The following HCN1 variants were observed in gnomAD, a reference collection of about 807,000 sequenced individuals.
HCN1 encodes the protein hyperpolarization activated cyclic nucleotide gated potassium channel 1, also known as potassium/sodium hyperpolarization-activated cyclic nucleotide-gated channel 1.
A neutral mutation model predicts 78.9 loss-of-function variants in HCN1; 13 were observed. The observed-to-expected ratio is 0.16, with a 90% CI of 0.11 to 0.26. HCN1 has a LOEUF of 0.26. Ranked by LOEUF, HCN1 falls within the 10% of genes least tolerant of loss-of-function variation. The pLI is 1.00. For synonymous variants in HCN1, 552 were observed against 455.5 expected (o/e 1.21, Z -2.70); for missense variants, 810 against 1,154.3 (o/e 0.70, Z 4.32).
At position 45,340,189 on chromosome 5, in the gene HCN1, G is replaced by T. The variant is rs182282455; in HGVS notation, c.1377+12911C>A. ...ACCTGCATCAACCTCCCAAAGTACT[G>T]GGATTACAGGCATGAGCCACCATGT... On this transcript the variant is annotated intron_variant, in intron 5 of 7. Coordinates refer to ENST00000303230, the MANE Select transcript of HCN1 (RefSeq NM_021072.4). 4.6e-5 allele frequency among the ~76,000 whole-genome samples: 7 copies of T among 152,292 alleles called. No individual in the cohort carries two copies. In the East Asian group the frequency reaches 9.7e-4, roughly 21 times the overall value.
At chr5:45,505,877 G>A in intron 2 of HCN1, among the ~76,000 whole-genome samples, 1 of 151,802 alleles carries the variant, frequency 6.6e-6, no homozygotes, top group East Asian at 1.9e-4. Context: ...ATATGACTCT[G>A]GACACCTATC....
intron 5 of HCN1, among the ~76,000 whole-genome samples, chr5:45,318,612 GA>G (rs907176551): frequency 1.4e-4 from 21 of 149,418 alleles, no homozygotes; most frequent in African/African-American, 2.2e-4. Context: ...AATAAAAAAA[GA>G]AAAAAAAAGT....
intron 6 of HCN1, among the ~76,000 whole-genome samples, chr5:45,294,059 A>T (rs1745435937): frequency 6.6e-6 from 1 of 151,992 alleles, no homozygotes; most frequent in African/African-American, 2.4e-5. Context: ...AATTGAGCTA[A>T]TCAAATTGTT....
rs767602409 is a variant in HCN1, at chr5:45,262,575, C to T, written c.2019G>A (p.Leu673=). 1.9e-6 allele frequency: 3 copies of T among 1,613,976 alleles called. No individual in the cohort carries two copies. Among genetic ancestry groups the T allele is most frequent in the Non-Finnish European group, 2.5e-6 (3 of 1,180,010 alleles). The stretch of plus-strand genomic sequence containing the variant: ...TGGGGGAGTGCAGGTTGCTGTGAGA[C>T]AGGCTGGTCGCTGTGTACACCGGTG... ...QSPPVYTATS[L]SHSNLHSPSP... The change falls in exon 8 of 8, where the codon CTG becomes CTA. Residue 673 remains leucine, a synonymous_variant. Coordinates refer to ENST00000303230, the MANE Select transcript of HCN1 (RefSeq NM_021072.4).
At position 45,258,791 on chromosome 5, in the gene HCN1, G is replaced by A. The variant is rs1009291697; in HGVS notation, c.*3130C>T. The A allele has an allele frequency of 6.6e-6, 1 of 151,396 alleles. No individual in the cohort carries two copies. The highest frequency in any genetic ancestry group is 2.0e-4 in the East Asian group (1 of 5,120). 9.4% of individuals were successfully genotyped at this position (151,396 alleles called of 1,614,324 possible). Reference sequence around the variant, plus strand: ...CCTGTTTTGTTATAATAGAGCCCAAGGCCCTATTATAACAAAATAGGTATG... The same window carrying A: ...CCTGTTTTGTTATAATAGAGCCCAAAGCCCTATTATAACAAAATAGGTATG... On this transcript the variant is annotated 3_prime_UTR_variant, in exon 8 of 8. Transcript: ENST00000303230.
intron 6 of HCN1, among the ~76,000 whole-genome samples, chr5:45,293,046 A>G (rs1013523172): frequency 6.6e-6 from 1 of 152,058 alleles, no homozygotes; most frequent in African/African-American, 2.4e-5. Context: ...GCACAAAGAG[A>G]TGAAAACACA....
chr5:45,397,107 C>A (rs115826273), intron 3 of HCN1, among the ~76,000 whole-genome samples: 1,557 of 152,016 alleles, frequency 0.01, 23 homozygotes, highest in Non-Finnish European at 0.015. Flanking sequence ...CACATACAGG[C>A]CAAAGTATAA....
At chr5:45,425,776 A>C (rs1247872454) in intron 3 of HCN1, among the ~76,000 whole-genome samples, 3 of 152,240 alleles carry the variant, frequency 2.0e-5, no homozygotes, top group Non-Finnish European at 4.4e-5. Flanking sequence ...ATTGATTAAG[A>C]GATTTTACCG....
At chr5:45,462,268 T>C (rs1334099008) in intron 2 of HCN1, among the ~76,000 whole-genome samples, 1 of 152,108 alleles carries the variant, frequency 6.6e-6, no homozygotes, top group Non-Finnish European at 1.5e-5. Flanking sequence ...TTAAAGAACA[T>C]CGATGTTGCC....
chr5:45,348,769 A>G (rs1257351771), intron 5 of HCN1, among the ~76,000 whole-genome samples: 1 of 152,226 alleles, frequency 6.6e-6, no homozygotes, highest in Non-Finnish European at 1.5e-5. Flanking sequence ...ATCAAAAGAG[A>G]CAAAGAAGGC....
rs1445930484 is a variant in HCN1, at chr5:45,696,071, T to C, written c.23A>G (p.Asn8Ser). The C allele has an allele frequency of 5.2e-6, 7 of 1,352,880 alleles. No individual in the cohort carries two copies. Among genetic ancestry groups the C allele is most frequent in the East Asian group, 3.8e-5 (1 of 26,342 alleles). The allele number at this position is 1,352,880 out of a possible 1,614,324, so 83.8% of individuals were successfully genotyped here. The change falls in exon 1 of 8, where the codon AAC becomes AGC. Residue 8 changes from asparagine (N) to serine (S), a missense_variant. Coordinates refer to ENST00000303230, the MANE Select transcript of HCN1 (RefSeq NM_021072.4). ...ATCGTCCCGGCTGTTAGACGAAGAGTTGGGCTTGCCGCCTCCTTCCATGCC... is the reference window on the plus strand; with the variant it reads ...ATCGTCCCGGCTGTTAGACGAAGAGCTGGGCTTGCCGCCTCCTTCCATGCC... The part of the protein sequence containing the change: MEGGGKP[N>S]SSSNSRDDGN...
chr5:45,688,592 A>T (rs1462089898), intron 1 of HCN1, among the ~76,000 whole-genome samples: 1 of 152,126 alleles, frequency 6.6e-6, no homozygotes, highest in African/African-American at 2.4e-5. Flanking sequence ...CCATTCAGTC[A>T]ATAAATATTT....
At chr5:45,382,862 G>A (rs1422989993) in intron 4 of HCN1, among the ~76,000 whole-genome samples, 1 of 152,092 alleles carries the variant, frequency 6.6e-6, no homozygotes. Flanking sequence ...TTAAGCAATT[G>A]TTATGATTAA....
At chr5:45,672,190 A>G (rs1746164316) in intron 1 of HCN1, among the ~76,000 whole-genome samples, 1 of 151,668 alleles carries the variant, frequency 6.6e-6, no homozygotes, top group African/African-American at 2.4e-5. Context: ...CTTGTGCCTA[A>G]AGCAAAATGT....
At chr5:45,479,798 T>A (rs768259200) in intron 2 of HCN1, among the ~76,000 whole-genome samples, 2 of 152,202 alleles carry the variant, frequency 1.3e-5, no homozygotes, top group Non-Finnish European at 2.9e-5. Context: ...TACACGTATA[T>A]CATGTCCAAA....
At chr5:45,413,914 A>G (rs1023768487) in intron 3 of HCN1, among the ~76,000 whole-genome samples, 5 of 152,046 alleles carry the variant, frequency 3.3e-5, no homozygotes, top group Non-Finnish European at 5.9e-5. Flanking sequence ...CAATATCTCT[A>G]TGAATGTACA....
chr5:45,461,266 A>T (rs570281687), intron 3 of HCN1, among the ~76,000 whole-genome samples: 2 of 152,220 alleles, frequency 1.3e-5, no homozygotes, highest in Admixed American at 1.3e-4. Flanking sequence ...TAGCTATTTA[A>T]ATCAAATTTA....
chr5:45,378,399 A>G (rs1747734500), intron 4 of HCN1, among the ~76,000 whole-genome samples: 1 of 152,100 alleles, frequency 6.6e-6, no homozygotes, highest in Non-Finnish European at 1.5e-5. Flanking sequence ...AAATGTGTCC[A>G]GCAAGAAAGA....
intron 2 of HCN1, among the ~76,000 whole-genome samples, chr5:45,494,997 C>A (rs1741992426): frequency 6.9e-6 from 1 of 144,634 alleles, no homozygotes; most frequent in South Asian, 2.4e-4. Flanking sequence ...GTTTTGGTTA[C>A]TGTAGCCTTG....
Sources: gnomAD v4.1 joint callset for allele counts (sites outside exome capture counted in the v4.1 genomes callset) on GRCh38, gnomAD v4.1.1 for gene constraint, MANE v1.5 for transcripts, NCBI Gene and HGNC (gene_info 2026-07-23, HGNC 2026-07-21) for gene names.